TTLL6: variants seen among roughly 807,000 people sequenced by gnomAD.
TTLL6 encodes tubulin tyrosine ligase like 6.
TTLL6 carries 75 observed loss-of-function variants against 96.4 expected under a neutral mutation model. The observed-to-expected ratio is 0.78, with a 90% CI of 0.65 to 0.94. The LOEUF (loss-of-function observed/expected upper bound fraction) is 0.94. TTLL6 is among the 40% of genes least tolerant of loss of function. The probability of loss-of-function intolerance (pLI) is 0.00; values close to 1 mark genes in which losing one functional copy is unlikely to be tolerated. For missense variants in TTLL6, 1,030 were observed against 1,093.0 expected, an observed-to-expected ratio of 0.94 and a Z score of 0.81; for synonymous variants, 411 against 419.4, an observed-to-expected ratio of 0.98 and a Z score of 0.24.
intron 2 of TTLL6, 28 bp downstream of exon 2, chr17:48,804,744 T>G (rs1379775581): frequency 7.8e-6 from 12 of 1,542,122 alleles, no homozygotes; most frequent in Non-Finnish European, 1.1e-5. Flanking sequence ...CCAACATGGC[T>G]CCCCATTCCC....
At chr17:48,796,212 G>T in intron 7 of TTLL6, 66 bp from the exon 8 acceptor site, 1 of 1,285,270 alleles carries the variant, frequency 7.8e-7, no homozygotes, top group Non-Finnish European at 1.1e-6. Context: ...TCCTCTCTGT[G>T]CCCTCCCATG....
At chr17:48,793,491 G>T (rs965472253) in intron 8 of TTLL6, among the ~76,000 whole-genome samples, 4 of 152,066 alleles carry the variant, frequency 2.6e-5, no homozygotes, top group African/African-American at 9.7e-5. Context: ...TACTTGAGAG[G>T]CTGAGGCAAG....
chr17:48,780,102 A>C (rs1453541923), intron 13 of TTLL6, among the ~76,000 whole-genome samples: 17 of 151,664 alleles, frequency 1.1e-4, no homozygotes, highest in Admixed American at 1.1e-3. Context: ...AAAAAAGAGG[A>C]CATAGAATGA....
intron 13 of TTLL6, among the ~76,000 whole-genome samples, chr17:48,770,605 C>T (rs1232028085): frequency 2.0e-5 from 3 of 151,840 alleles, no homozygotes; most frequent in African/African-American, 2.4e-5. Flanking sequence ...TAACCTCCAC[C>T]TCCTGGGCTC....
In TTLL6 at chr17:48,785,136, C is replaced by G; in HGVS notation, c.1827G>C (p.Arg609Ser). 1 of 1,614,146 alleles carries G rather than the reference C, an allele frequency of 6.2e-7. No individual in the cohort carries two copies. The highest frequency in any genetic ancestry group is 8.5e-7 in the Non-Finnish European group (1 of 1,180,044). ...TGAGGCTGCTGTCTGTTTCATTTTT[C>G]CTTTCACCTCTGACACTCAAGAGCA... ...PDLLLSVRGE[R>S]KNETDSSLNQ... The change falls in exon 13 of 16, where the codon AGG becomes AGC. Residue 609 changes from arginine (R) to serine (S), a missense_variant. Transcript: ENST00000393382.
chr17:48,791,701 C>T, intron 8 of TTLL6, 98 bp from the exon 9 acceptor site: 1 of 1,052,776 alleles, frequency 9.5e-7, no homozygotes, highest in East Asian at 2.4e-5. Flanking sequence ...GGAGACAAGG[C>T]TCCAGAGCCA....
Position 48,785,065 on chromosome 17 carries a change from A to G in TTLL6, c.1898T>C (p.Leu633Pro), listed in dbSNP as rs577991636. ...AGAACTGAAGGGCTTCGCAGACGTC[A>G]GCTTGGGGAAAACAGAGCTGGCCTC... The part of the protein sequence containing the change: ...TEEASSVFPK[L>P]TSAKPFSSLP... The change falls in exon 13 of 16, where the codon CTG becomes CCG. Residue 633 changes from leucine to proline, a missense_variant. By Grantham distance (98) the Leu-to-Pro change is moderately conservative. Transcript: ENST00000393382. 17 of 1,614,156 alleles carry G rather than the reference A, an allele frequency of 1.1e-5. No homozygotes were observed. In the African/African-American group the frequency reaches 1.7e-4, roughly 16 times the overall value.
intron 6 of TTLL6, among the ~76,000 whole-genome samples, 197 bp downstream of exon 6, chr17:48,799,407 A>T (rs1379110853): frequency 6.6e-6 from 1 of 152,214 alleles, no homozygotes; most frequent in Non-Finnish European, 1.5e-5. Context: ...ACAAGGGTAA[A>T]AGGATAACAG....
chr17:48,778,883 C>T (rs1432075988), intron 13 of TTLL6, among the ~76,000 whole-genome samples: 16 of 148,358 alleles, frequency 1.1e-4, no homozygotes. Context: ...TGAGCTGAGA[C>T]CACACCACTG....
intron 13 of TTLL6, among the ~76,000 whole-genome samples, chr17:48,777,051 C>CT (rs1224156346): frequency 1.4e-4 from 21 of 150,804 alleles, no homozygotes; most frequent in Admixed American, 6.6e-4. Flanking sequence ...CACACACACC[C>CT]CTAAAAAATC....
At chr17:48,766,289 G>A (rs2143159057) in intron 15 of TTLL6, among the ~76,000 whole-genome samples, 1 of 152,228 alleles carries the variant, frequency 6.6e-6, no homozygotes, top group Middle Eastern at 3.4e-3. Flanking sequence ...CTGTCTTCAG[G>A]GAGACCCCCA....
chr17:48,772,283 C>T (rs2038763366), intron 13 of TTLL6, among the ~76,000 whole-genome samples: 1 of 151,878 alleles, frequency 6.6e-6, no homozygotes, highest in African/African-American at 2.4e-5. Flanking sequence ...CCAGGAGTTC[C>T]AGACCAGGCT....
At chr17:48,795,510 G>A (rs963171723) in intron 8 of TTLL6, among the ~76,000 whole-genome samples, 6 of 152,080 alleles carry the variant, frequency 3.9e-5, no homozygotes, top group Admixed American at 2.0e-4. Context: ...AATGAGACCC[G>A]ATTAGACAAT....
intron 12 of TTLL6, 54 bp downstream of exon 12, chr17:48,786,110 A>C: frequency 6.2e-7 from 1 of 1,608,240 alleles, no homozygotes; most frequent in Non-Finnish European, 8.5e-7. Context: ...TCCACGGATC[A>C]GGCCCAGGTG....
intron 2 of TTLL6, chr17:48,804,300 G>C (rs1321865426): frequency 4.1e-6 from 2 of 493,444 alleles, no homozygotes; most frequent in Admixed American, 2.3e-5. Flanking sequence ...CCCCATTAAG[G>C]GAAGCTATGA....
chr17:48,777,792 T>C (rs2038907390), intron 13 of TTLL6, among the ~76,000 whole-genome samples: 1 of 150,726 alleles, frequency 6.6e-6, no homozygotes, highest in East Asian at 2.0e-4. Context: ...GCGCCTGTAG[T>C]CCCAGCTCCT....
Position 48,769,845 on chromosome 17 carries a change from T to A in TTLL6, c.2293A>T (p.Ser765Cys). ...SPNTNWTLLKSDMNKPHLISE... is the reference protein window; with the variant it reads ...SPNTNWTLLKCDMNKPHLISE... ...ATCAAATGTGGCTTGTTCATGTCACTCTTTAGCAAAGTCCAGTTTGTGTTC... is the reference window on the plus strand; with the variant it reads ...ATCAAATGTGGCTTGTTCATGTCACACTTTAGCAAAGTCCAGTTTGTGTTC... Residue 765 changes from serine (S) to cysteine (C), a missense_variant, in exon 14 of 16, where the codon AGT (serine) becomes TGT (cysteine). Ser to Cys is a moderately radical substitution (Grantham distance 112, BLOSUM62 -1). Coordinates refer to ENST00000393382, the MANE Select transcript of TTLL6 (RefSeq NM_001130918.3). 6.2e-7 allele frequency: 1 copy of A among 1,614,260 alleles called. No homozygotes were observed. Among genetic ancestry groups the A allele is most frequent in the Non-Finnish European group, 8.5e-7 (1 of 1,180,048 alleles).
chr17:48,796,158 GAC>G lies in TTLL6; in HGVS notation c.913-14_913-13del, dbSNP rs1187656175. ...ATGCAGATATCATCCTGGGGAAAAA[GAC>G]ACACATCTGTCGGGTCAGCTCGGAA... On this transcript the variant is annotated splice_polypyrimidine_tract_variant and intron_variant, in intron 7 of 15. Transcript: ENST00000393382. The G allele has an allele frequency of 1.3e-6, 2 of 1,549,144 alleles. No individual in the cohort carries two copies. The highest frequency in any genetic ancestry group is 2.0e-5 in the Admixed American group (1 of 50,936).
Position 48,785,128 on chromosome 17 carries a change from T to G in TTLL6, c.1835A>C (p.Glu612Ala), listed in dbSNP as rs749968896. 5 of 1,614,176 alleles carry G rather than the reference T, an allele frequency of 3.1e-6. No individual in the cohort carries two copies. The highest frequency in any genetic ancestry group is 4.2e-6 in the Non-Finnish European group (5 of 1,180,042). The change falls in exon 13 of 16, where the codon GAA (glutamate) becomes GCA (alanine). Residue 612 changes from glutamate (E) to alanine (A), a missense_variant. Glu to Ala is a moderately radical substitution (Grantham distance 107). Coordinates refer to ENST00000393382, the MANE Select transcript of TTLL6 (RefSeq NM_001130918.3). ...CTCCTGGTTGAGGCTGCTGTCTGTT[T>G]CATTTTTCCTTTCACCTCTGACACT... ...LLSVRGERKNETDSSLNQEAP... is the reference protein window; with the variant it reads ...LLSVRGERKNATDSSLNQEAP...
Sources: gnomAD v4.1 joint callset for allele counts (sites outside exome capture counted in the v4.1 genomes callset) on GRCh38, gnomAD v4.1.1 for gene constraint, MANE v1.5 for transcripts, NCBI Gene and HGNC (gene_info 2026-07-23, HGNC 2026-07-21) for gene names.